Variants in ITGA7 observed in about 807,000 individuals in gnomAD.
ITGA7 encodes the protein integrin alpha-7.
A neutral mutation model predicts 131.6 loss-of-function variants in ITGA7; 84 were observed. That is an observed-to-expected ratio of 0.64 (90% CI 0.54 to 0.77). The LOEUF (loss-of-function observed/expected upper bound fraction) is 0.77. Among genes scored for constraint, ITGA7 ranks in the 30% least tolerant of loss-of-function variants. ITGA7 has a pLI of 0.00. For synonymous variants in ITGA7, 548 were observed against 600.7 expected, an observed-to-expected ratio of 0.91 and a Z score of 1.28; for missense variants, 1,399 against 1,482.9, an observed-to-expected ratio of 0.94 and a Z score of 0.93.
intron 6 of ITGA7, 25 bp downstream of exon 6, chr12:55,698,685 G>A (rs1421576838): frequency 1.2e-6 from 2 of 1,613,356 alleles, no homozygotes; most frequent in Middle Eastern, 1.6e-4. Context: ...CCTCCCTCAG[G>A]TGGCACGGCC....
rs147664595 is a variant in ITGA7, at chr12:55,688,870, G to A, written c.2932C>T (p.Arg978Cys). The A allele has an allele frequency of 2.2e-5, 35 of 1,613,990 alleles. No individual in the cohort carries two copies. The highest frequency in any genetic ancestry group is 1.6e-4 in the Middle Eastern group (1 of 6,062). The change falls in exon 22 of 25, where the codon CGT (arginine) becomes TGT (cysteine). Residue 978 changes from arginine (R) to cysteine (C), a missense_variant. Physicochemically the swap from Arg to Cys is radical, Grantham distance 180 (BLOSUM62 -3). Transcript: ENST00000257879. Reference protein sequence around the residue: ...DRAAVLHVWGRLWNSTFLEEY... With the variant: ...DRAAVLHVWGCLWNSTFLEEY... ...TCCAGAAAGGTGCTGTTCCAGAGAC[G>A]GCCCCAGACATGCAGCACAGCCGCG...
chr12:55,693,645 G>A (rs759055911), intron 19 of ITGA7, among the ~76,000 whole-genome samples: 23 of 152,068 alleles, frequency 1.5e-4, no homozygotes, highest in Non-Finnish European at 2.4e-4. Context: ...CACCAAATCC[G>A]GGAAACCCTG....
intron 7 of ITGA7, 141 bp downstream of exon 7, chr12:55,698,242 T>C: frequency 2.2e-6 from 2 of 916,400 alleles, no homozygotes; most frequent in Non-Finnish European, 3.3e-6. Context: ...GTCAGAAAGC[T>C]GGTAAATGGT....
At chr12:55,703,679 C>T (rs749418861) in intron 1 of ITGA7, among the ~76,000 whole-genome samples, 4 of 152,068 alleles carry the variant, frequency 2.6e-5, no homozygotes, top group Non-Finnish European at 5.9e-5. Context: ...GCTTCAGAGG[C>T]CAGGCAAGAG....
At chr12:55,704,925 A>G (rs935718455) in intron 1 of ITGA7, among the ~76,000 whole-genome samples, 1 of 152,218 alleles carries the variant, frequency 6.6e-6, no homozygotes, top group African/African-American at 2.4e-5. Flanking sequence ...CCCAGCCTCC[A>G]AACATAGAAG....
At chr12:55,702,438 G>C (rs571907420) in intron 3 of ITGA7, among the ~76,000 whole-genome samples, 19 of 152,268 alleles carry the variant, frequency 1.2e-4, no homozygotes, top group African/African-American at 4.1e-4. Flanking sequence ...AAAGTGCTGG[G>C]ATTACAAGCG....
In ITGA7 at chr12:55,699,952, G is replaced by A. The variant is rs555521550; in HGVS notation, c.708C>T (p.Pro236=). The A allele has an allele frequency of 2.1e-5, 34 of 1,614,156 alleles. No homozygotes were observed. The highest frequency in any genetic ancestry group is 1.6e-4 in the Middle Eastern group (1 of 6,062). Residue 236 remains proline (P), a synonymous_variant, in exon 5 of 25, where the codon CCC becomes CCT. Coordinates refer to ENST00000257879, the MANE Select transcript of ITGA7 (RefSeq NM_002206.3). The stretch of plus-strand genomic sequence containing the variant: ...CCAAAGTTTTATACACCAGCTGGTC[G>A]GGGTCTGAGCTATCAATGTTGGTCA... The part of the protein sequence containing the change: ...LFVTNIDSSD[P]DQLVYKTLDP...
upstream of ITGA7, among the ~76,000 whole-genome samples, chr12:55,711,567 A>T (rs1223455106): frequency 6.6e-6 from 1 of 151,868 alleles, no homozygotes; most frequent in Non-Finnish European, 1.5e-5. Flanking sequence ...TATCCACTCC[A>T]CTCCATGGAA....
intron 14 of ITGA7, 55 bp from the exon 15 acceptor site, chr12:55,695,025 C>T (rs1267461552): frequency 1.9e-6 from 3 of 1,552,434 alleles, no homozygotes; most frequent in Admixed American, 1.8e-5. Flanking sequence ...CCTACCATTC[C>T]CCCGCCCAGT....
In ITGA7 at chr12:55,698,776, A is replaced by G. The variant is rs999623048; in HGVS notation, c.932T>C (p.Leu311Pro). 1.2e-6 allele frequency: 2 copies of G among 1,614,036 alleles called. No homozygotes were observed. The highest frequency in any genetic ancestry group is 2.7e-5 in the African/African-American group (2 of 74,914). ...SASRLVPEVMLSGERLTSGFG... is the reference protein window; with the variant it reads ...SASRLVPEVMPSGERLTSGFG... ...GCCGGAGGTCAGGCGCTCCCCAGAC[A>G]GCATAACCTCGGGCACCAGGCGACT... is the stretch of plus-strand genomic sequence containing the variant. The change falls in exon 6 of 25, where the codon CTG becomes CCG. Residue 311 changes from leucine (L) to proline (P), a missense_variant. Physicochemically the swap from Leu to Pro is moderately conservative, Grantham distance 98. Coordinates refer to ENST00000257879, the MANE Select transcript of ITGA7 (RefSeq NM_002206.3).
chr12:55,700,292 G>GGC, intron 4 of ITGA7: 1 of 1,608,994 alleles, frequency 6.2e-7, no homozygotes, highest in Non-Finnish European at 8.5e-7. Context: ...ACCGGGATGA[G>GGC]GCGGGGGTCC....
At chr12:55,692,152 C>T (rs999058947) in intron 21 of ITGA7, among the ~76,000 whole-genome samples, 2 of 152,170 alleles carry the variant, frequency 1.3e-5, no homozygotes, top group Non-Finnish European at 2.9e-5. Context: ...GTGGCTCAGG[C>T]CTATAATCCC....
At chr12:55,693,465 G>A (rs1242516162) in intron 19 of ITGA7, 148 bp from the exon 20 acceptor site, 10 of 724,574 alleles carry the variant, frequency 1.4e-5, no homozygotes, top group Middle Eastern at 7.7e-4. Flanking sequence ...CTCCTGTAGT[G>A]CTGTGATTAC....
chr12:55,686,449 G>T, intron 24 of ITGA7: 1 of 420,368 alleles, frequency 2.4e-6, no homozygotes, highest in Non-Finnish European at 4.3e-6. Context: ...GTTTCACAGA[G>T]GCATCAATCT....
chr12:55,688,722 CAAAA>C (rs35887029), intron 22 of ITGA7, 118 bp downstream of exon 22: 93 of 616,278 alleles, frequency 1.5e-4, no homozygotes, highest in East Asian at 3.2e-4. Context: ...GACTCCGTCT[CAAAA>C]AAAAAAAAAA....
intron 5 of ITGA7, among the ~76,000 whole-genome samples, chr12:55,699,221 A>G (rs1463645022): frequency 1.3e-5 from 2 of 152,282 alleles, no homozygotes; most frequent in East Asian, 1.9e-4. Context: ...AAGAGAGAGA[A>G]AGGTGATGGC....
intron 13 of ITGA7, among the ~76,000 whole-genome samples, chr12:55,695,847 T>C (rs1392306301): frequency 6.6e-6 from 1 of 151,860 alleles, no homozygotes; most frequent in African/African-American, 2.4e-5. Context: ...TACCATGCCA[T>C]GGTAGAGACT....
At chr12:55,716,328 G>C (rs1055379204), upstream of ITGA7, 4 of 1,484,422 alleles carry the variant, frequency 2.7e-6, no homozygotes, top group African/African-American at 4.3e-5. Context: ...GGGGGAGAGG[G>C]AATTTCAGAG....
upstream of ITGA7, among the ~76,000 whole-genome samples, chr12:55,714,426 G>A (rs1289090985): frequency 2.6e-5 from 4 of 151,442 alleles, no homozygotes; most frequent in African/African-American, 9.7e-5. Context: ...GCTGAGGCAG[G>A]AGAATGGCGT....
Sources: gnomAD v4.1 joint callset for allele counts (sites outside exome capture counted in the v4.1 genomes callset) on GRCh38, gnomAD v4.1.1 for gene constraint, MANE v1.5 for transcripts, NCBI Gene and HGNC (gene_info 2026-07-23, HGNC 2026-07-21) for gene names.